Variants in PRAG1 observed in about 807,000 individuals in gnomAD.
PRAG1 encodes the protein inactive tyrosine-protein kinase PRAG1.
PRAG1 carries 110 observed loss-of-function variants against 95.6 expected under a neutral mutation model. That is an observed-to-expected ratio of 1.15 (90% confidence interval 0.99 to 1.35). The LOEUF (loss-of-function observed/expected upper bound fraction) is 1.35. Ranked by LOEUF, PRAG1 falls within the 40% of genes most tolerant of loss-of-function variation. PRAG1 has a pLI of 0.00. For synonymous variants in PRAG1, 1,052 were observed against 819.4 expected, an observed-to-expected ratio of 1.28 and a Z score of -4.85; for missense variants, 2,554 against 1,864.7, an observed-to-expected ratio of 1.37 and a Z score of -6.81.
intron 3 of PRAG1, among the ~76,000 whole-genome samples, chr8:8,355,386 CA>C (rs1456343387): frequency 7.2e-5 from 11 of 152,118 alleles, no homozygotes; most frequent in Admixed American, 3.3e-4. Flanking sequence ...ATTCCAAAGG[CA>C]TTGTTCACAG....
At chr8:8,363,706 T>C (rs1274901747) in intron 3 of PRAG1, among the ~76,000 whole-genome samples, 1 of 152,218 alleles carries the variant, frequency 6.6e-6, no homozygotes, top group African/African-American at 2.4e-5. Context: ...GTGAATTTTA[T>C]GTTATATGTA....
chr8:8,369,263 T>C (rs1009824152), intron 3 of PRAG1, among the ~76,000 whole-genome samples: 1 of 151,832 alleles, frequency 6.6e-6, no homozygotes, highest in African/African-American at 2.4e-5. Flanking sequence ...TGTGCTAAGG[T>C]ATGCTGTGGA....
intron 3 of PRAG1, among the ~76,000 whole-genome samples, chr8:8,359,405 G>A (rs749354647): frequency 2.0e-5 from 3 of 152,220 alleles, no homozygotes; most frequent in African/African-American, 7.2e-5. Flanking sequence ...TGCTATAGAA[G>A]TAAGAATTGA....
At chr8:8,354,461 C>T (rs1799625415) in intron 3 of PRAG1, among the ~76,000 whole-genome samples, 1 of 151,806 alleles carries the variant, frequency 6.6e-6, no homozygotes, top group African/African-American at 2.4e-5. Flanking sequence ...GATACTGAAG[C>T]TTGACAAAGA....
intron 2 of PRAG1, among the ~76,000 whole-genome samples, chr8:8,380,524 T>C (rs1276383992): frequency 6.6e-6 from 1 of 151,440 alleles, no homozygotes; most frequent in African/African-American, 2.4e-5. Flanking sequence ...GCTTGAACCC[T>C]GGAGGCAGAA....
At chr8:8,339,993 C>T (rs1361867168) in intron 3 of PRAG1, among the ~76,000 whole-genome samples, 1 of 152,190 alleles carries the variant, frequency 6.6e-6, no homozygotes, top group Non-Finnish European at 1.5e-5. Flanking sequence ...AAGATATTAT[C>T]ATACACACCA....
At chr8:8,380,118 A>G (rs1800582472) in intron 2 of PRAG1, among the ~76,000 whole-genome samples, 1 of 151,808 alleles carries the variant, frequency 6.6e-6, no homozygotes, top group Admixed American at 6.6e-5. Flanking sequence ...AAACAAAAAA[A>G]CGCCAAATAA....
intron 5 of PRAG1, among the ~76,000 whole-genome samples, chr8:8,320,554 A>C (rs1190867854): frequency 6.6e-6 from 1 of 152,186 alleles, no homozygotes; most frequent in African/African-American, 2.4e-5. Context: ...CCTGAAAGGG[A>C]CTGAAGTCCC....
At chr8:8,353,655 G>A (rs748565288) in intron 3 of PRAG1, among the ~76,000 whole-genome samples, 2 of 151,998 alleles carry the variant, frequency 1.3e-5, no homozygotes, top group South Asian at 2.1e-4. Flanking sequence ...AGTAGAAAAA[G>A]GACAAAACCA....
At chr8:8,365,846 G>A (rs1275490054) in intron 3 of PRAG1, among the ~76,000 whole-genome samples, 1 of 151,508 alleles carries the variant, frequency 6.6e-6, no homozygotes, top group Non-Finnish European at 1.5e-5. Context: ...TGGACATGGT[G>A]GTATGCCCCT....
chr8:8,351,496 C>G (rs1263745611), intron 3 of PRAG1, among the ~76,000 whole-genome samples: 7 of 152,158 alleles, frequency 4.6e-5, no homozygotes, highest in African/African-American at 1.7e-4. Context: ...ACTTTGATGT[C>G]TCTACTCTTA....
At chr8:8,383,513 C>A (rs753666981) in intron 1 of PRAG1, among the ~76,000 whole-genome samples, 13 of 151,874 alleles carry the variant, frequency 8.6e-5, no homozygotes, top group Non-Finnish European at 1.6e-4. Context: ...CCCAGGAGGT[C>A]AAGGCTGCAG....
intron 2 of PRAG1, among the ~76,000 whole-genome samples, chr8:8,379,036 G>A (rs1031010518): frequency 6.6e-6 from 1 of 151,718 alleles, no homozygotes; most frequent in African/African-American, 2.4e-5. Context: ...GGTGAGGGGT[G>A]GCTTCTGAAC....
At chr8:8,321,891 A>C (rs1335093689) in intron 5 of PRAG1, among the ~76,000 whole-genome samples, 1 of 152,242 alleles carries the variant, frequency 6.6e-6, no homozygotes, top group African/African-American at 2.4e-5. Context: ...GGGGAAATAC[A>C]AGGTAAGTTT....
rs1458473062 is a variant in PRAG1, at chr8:8,328,231, G to A, written c.2551C>T (p.His851Tyr). 6 of 1,614,108 alleles carry A rather than the reference G, an allele frequency of 3.7e-6. No homozygotes were observed. The highest frequency in any genetic ancestry group is 1.3e-5 in the African/African-American group (1 of 74,934). The change falls in exon 5 of 6, where the codon CAC (histidine) becomes TAC (tyrosine). Residue 851 changes from histidine (H) to tyrosine (Y), a missense_variant. By Grantham distance (83) the His-to-Tyr change is moderately conservative. Coordinates refer to ENST00000615670, the MANE Select transcript of PRAG1 (RefSeq NM_001080826.3). ...TCGTCGTGGACGTTGGTTTCCGAGT[G>A]GCTTAGGTTCAGCTTGGGGCTTGCT... ...GTASPKLNLS[H>Y]SETNVHDESH... is the part of the protein sequence containing the mutation.
At chr8:8,373,174 C>T (rs1007275130) in intron 3 of PRAG1, among the ~76,000 whole-genome samples, 32 of 152,214 alleles carry the variant, frequency 2.1e-4, no homozygotes, top group African/African-American at 7.7e-4. Context: ...GCTGCATTCT[C>T]ACTAACACTC....
intron 3 of PRAG1, among the ~76,000 whole-genome samples, chr8:8,340,749 T>C (rs531734039): frequency 2.4e-4 from 36 of 152,370 alleles, no homozygotes; most frequent in African/African-American, 8.4e-4. Flanking sequence ...TTAAAGTTTG[T>C]TCGCTACCAC....
Position 8,386,411 on chromosome 8 carries a change from G to C in PRAG1, c.-178C>G, listed in dbSNP as rs955914301. 6.6e-6 allele frequency: 1 copy of C among 151,982 alleles called. No homozygotes were observed. The highest frequency in any genetic ancestry group is 2.4e-5 in the African/African-American group (1 of 41,418). 9.4% of individuals were successfully genotyped at this position (151,982 alleles called of 1,614,324 possible). On this transcript the variant is annotated 5_prime_UTR_variant, in exon 1 of 6. Coordinates refer to ENST00000615670, the MANE Select transcript of PRAG1 (RefSeq NM_001080826.3). ...TGTTCGCAGAAGGTCTGCGCGCGGT[G>C]CGTGCCCGGCCGCGGGCGGGTGGCT... is the stretch of plus-strand genomic sequence containing the variant.
chr8:8,366,142 T>C (rs1417873512), intron 3 of PRAG1, among the ~76,000 whole-genome samples: 2 of 152,036 alleles, frequency 1.3e-5, no homozygotes, highest in African/African-American at 4.8e-5. Context: ...AAATGCAGAG[T>C]TCCACAAATG....
Sources: allele counts gnomAD v4.1 joint callset (sites outside exome capture counted in the v4.1 genomes callset), GRCh38; gene constraint gnomAD v4.1.1; transcripts MANE v1.5; gene names NCBI Gene and HGNC (gene_info 2026-07-23, HGNC 2026-07-21).